MTUS2: variants seen among roughly 807,000 people sequenced by gnomAD.
The protein encoded by MTUS2 is microtubule-associated tumor suppressor candidate 2.
In MTUS2, 40 loss-of-function variants were observed where a neutral mutation model predicts 114.1. That is an observed-to-expected ratio of 0.35 (90% CI 0.27 to 0.46). The LOEUF (loss-of-function observed/expected upper bound fraction) is 0.46. Among genes scored for constraint, MTUS2 ranks in the 20% least tolerant of loss-of-function variants. The probability of loss-of-function intolerance (pLI) is 1.00; values close to 1 mark genes in which losing one functional copy is unlikely to be tolerated. For synonymous variants in MTUS2, 688 were observed against 672.0 expected, an observed-to-expected ratio of 1.02 and a Z score of -0.37; for missense variants, 1,679 against 1,705.4, an observed-to-expected ratio of 0.98 and a Z score of 0.27.
At chr13:29,192,662 T>A (rs1257086139) in intron 5 of MTUS2, among the ~76,000 whole-genome samples, 1 of 152,212 alleles carries the variant, frequency 6.6e-6, no homozygotes, top group Non-Finnish European at 1.5e-5. Flanking sequence ...AATGTCATTA[T>A]TACGTATCAA....
intron 5 of MTUS2, among the ~76,000 whole-genome samples, chr13:29,102,451 A>G (rs1482702149): frequency 6.6e-6 from 1 of 152,182 alleles, no homozygotes; most frequent in African/African-American, 2.4e-5. Context: ...TCTGGACAGA[A>G]TAATTGCAGG....
intron 8 of MTUS2, among the ~76,000 whole-genome samples, chr13:29,368,821 G>T (rs1870957657): frequency 1.3e-5 from 2 of 152,138 alleles, no homozygotes; most frequent in Admixed American, 1.3e-4. Flanking sequence ...AGCTCGGGGT[G>T]GTTTACATAC....
At chr13:29,200,521 G>GGTTTTTTTTTTTTTTTTTTTTTT (rs1309388936) in intron 5 of MTUS2, among the ~76,000 whole-genome samples, 1 of 85,432 alleles carries the variant, frequency 1.2e-5, no homozygotes, top group African/African-American at 5.0e-5. Context: ...TTCTTTTTCT[G>GGTTTTTTTTTTTTTTTTTTTTTT]TTTTTTTTTT....
chr13:28,861,822 G>A (rs1877005579), intron 2 of MTUS2, among the ~76,000 whole-genome samples: 1 of 152,106 alleles, frequency 6.6e-6, no homozygotes, highest in Non-Finnish European at 1.5e-5. Context: ...TGGAGGTGGC[G>A]ACCCTGTGGA....
chr13:28,860,060 C>T (rs944909065), intron 2 of MTUS2, among the ~76,000 whole-genome samples: 8 of 152,134 alleles, frequency 5.3e-5, no homozygotes, highest in Non-Finnish European at 1.2e-4. Flanking sequence ...TAATCTTTGG[C>T]AGGATGGATT....
chr13:29,048,565 C>A (rs960228824), intron 4 of MTUS2, among the ~76,000 whole-genome samples: 1 of 152,194 alleles, frequency 6.6e-6, no homozygotes, highest in African/African-American at 2.4e-5. Context: ...ACTTCCCTGG[C>A]TCAAACGATC....
At chr13:29,302,000 A>G (rs898454364) in intron 6 of MTUS2, among the ~76,000 whole-genome samples, 1 of 152,164 alleles carries the variant, frequency 6.6e-6, no homozygotes, top group Non-Finnish European at 1.5e-5. Flanking sequence ...ATTCACTCTC[A>G]TGATTTAATC....
At chr13:29,475,458 T>G (rs1437647492) in intron 9 of MTUS2, among the ~76,000 whole-genome samples, 1 of 152,206 alleles carries the variant, frequency 6.6e-6, no homozygotes, top group Non-Finnish European at 1.5e-5. Context: ...CTCAGGCAGG[T>G]CCTTCAGGAG....
chr13:29,442,283 A>G (rs1877945519), intron 9 of MTUS2, among the ~76,000 whole-genome samples: 1 of 152,180 alleles, frequency 6.6e-6, no homozygotes, highest in Non-Finnish European at 1.5e-5. Context: ...AATACCTCCC[A>G]GCTCTATTTA....
chr13:29,358,969 A>AAAAG (rs1869993557), intron 7 of MTUS2, among the ~76,000 whole-genome samples: 1 of 151,626 alleles, frequency 6.6e-6, no homozygotes, highest in Admixed American at 6.6e-5. Flanking sequence ...AAAAAAAAAA[A>AAAAG]AAGCTTCTCT....
At chr13:29,114,755 C>G (rs1043509859) in intron 5 of MTUS2, among the ~76,000 whole-genome samples, 4 of 152,192 alleles carry the variant, frequency 2.6e-5, no homozygotes, top group African/African-American at 9.6e-5. Flanking sequence ...CCTGCCCTCC[C>G]CAGGCAGGGA....
intron 4 of MTUS2, among the ~76,000 whole-genome samples, chr13:29,090,467 C>A (rs1393771543): frequency 6.6e-6 from 1 of 152,106 alleles, no homozygotes; most frequent in Non-Finnish European, 1.5e-5. Context: ...CAGGCGAGCC[C>A]ACACCAGTGG....
At chr13:28,958,980 A>G (rs1883196085) in intron 2 of MTUS2, among the ~76,000 whole-genome samples, 1 of 152,220 alleles carries the variant, frequency 6.6e-6, no homozygotes, top group African/African-American at 2.4e-5. Flanking sequence ...TTCTGAGAAT[A>G]TAAGTGAATA....
intron 2 of MTUS2, among the ~76,000 whole-genome samples, chr13:28,965,272 C>T (rs1273677619): frequency 3.9e-5 from 6 of 152,084 alleles, no homozygotes; most frequent in Non-Finnish European, 8.8e-5. Context: ...GGGGAAACTG[C>T]GTGGAAACAA....
At chr13:29,377,530 T>G (rs996360094) in intron 8 of MTUS2, among the ~76,000 whole-genome samples, 8 of 152,100 alleles carry the variant, frequency 5.3e-5, no homozygotes, top group African/African-American at 1.9e-4. Flanking sequence ...AAACCATGGG[T>G]CAAAGAGGAA....
intron 2 of MTUS2, among the ~76,000 whole-genome samples, chr13:28,958,012 A>G (rs945895461): frequency 2.6e-5 from 4 of 152,232 alleles, no homozygotes; most frequent in Non-Finnish European, 4.4e-5. Flanking sequence ...TGCCTGGGGC[A>G]TGGTCTCCGA....
intron 2 of MTUS2, among the ~76,000 whole-genome samples, chr13:28,856,956 CTA>C (rs1566180048): frequency 6.6e-6 from 1 of 151,806 alleles, no homozygotes; most frequent in Non-Finnish European, 1.5e-5. Flanking sequence ...TATAGTGTTG[CTA>C]ACACAACTTC....
chr13:28,821,285 C>G (rs900711833), intron 1 of MTUS2, among the ~76,000 whole-genome samples: 9 of 151,870 alleles, frequency 5.9e-5, no homozygotes, highest in African/African-American at 2.2e-4. Flanking sequence ...TAATATAGGA[C>G]CCTATATTAA....
intron 5 of MTUS2, among the ~76,000 whole-genome samples, chr13:29,221,087 C>G (rs202135062): frequency 6.6e-6 from 1 of 151,736 alleles, no homozygotes; most frequent in African/African-American, 2.4e-5. Context: ...GAATTAAGCC[C>G]TAATGCCCCA....
Sources: gnomAD v4.1 joint callset for allele counts (sites outside exome capture counted in the v4.1 genomes callset) on GRCh38, gnomAD v4.1.1 for gene constraint, MANE v1.5 for transcripts, NCBI Gene and HGNC (gene_info 2026-07-23, HGNC 2026-07-21) for gene names.